KANSL1: variants seen among roughly 807,000 people sequenced by gnomAD.
KANSL1 encodes MLL1/MLL complex subunit KANSL1.
Under a neutral mutation model 103.6 loss-of-function variants are expected in KANSL1, and 22 were observed. That is an observed-to-expected ratio of 0.21 (90% confidence interval 0.15 to 0.30). The LOEUF is 0.30. Ranked by LOEUF, KANSL1 falls within the 10% of genes least tolerant of loss-of-function variation. KANSL1 has a pLI of 1.00. For synonymous variants in KANSL1, 600 were observed against 527.6 expected (o/e 1.14, Z -1.88); for missense variants, 1,337 against 1,399.8 (o/e 0.96, Z 0.72).
intron 1 of KANSL1, among the ~76,000 whole-genome samples, chr17:46,181,844 T>C (rs1195620888): frequency 6.6e-6 from 1 of 152,220 alleles, no homozygotes; most frequent in Non-Finnish European, 1.5e-5. Context: ...TCCGTATCTT[T>C]GCCTATGTTG....
intron 9 of KANSL1, 161 bp from the exon 10 acceptor site, chr17:46,038,847 G>T: frequency 1.8e-6 from 2 of 1,135,192 alleles, no homozygotes; most frequent in Non-Finnish European, 2.5e-6. Flanking sequence ...AGTAGGGGCA[G>T]GGCAGAGGTT....
chr17:46,158,945 C>T (rs2045583501), intron 2 of KANSL1, among the ~76,000 whole-genome samples: 1 of 152,258 alleles, frequency 6.6e-6, no homozygotes, highest in Admixed American at 6.5e-5. Context: ...CTACAACACC[C>T]ACCCCTTTCC....
At chr17:46,213,467 A>ATT (rs748428844) in intron 1 of KANSL1, among the ~76,000 whole-genome samples, 62 of 136,404 alleles carry the variant, frequency 4.5e-4, no homozygotes, top group East Asian at 4.0e-3. Context: ...CGCCCGGCTA[A>ATT]TTTTTTTTTT....
At position 46,031,536 on chromosome 17, in the gene KANSL1, G is replaced by C; in HGVS notation, c.3258C>G (p.Val1086=). Residue 1086 remains valine (V), a synonymous_variant, in exon 15 of 15, where the codon GTC becomes GTG. Transcript: ENST00000432791. ...TEAAPTSPPI[V]PLKSRHLVAA... ...CCACCAGATGCCGACTCTTGAGGGG[G>C]ACAATGGGAGGCGAGGTGGGCGCTG... The C allele has an allele frequency of 3.1e-6, 5 of 1,614,096 alleles. No individual in the cohort carries two copies. The highest frequency in any genetic ancestry group is 4.2e-6 in the Non-Finnish European group (5 of 1,180,010).
intron 1 of KANSL1, among the ~76,000 whole-genome samples, chr17:46,182,126 G>C (rs1282579842): frequency 2.0e-5 from 3 of 152,178 alleles, no homozygotes; most frequent in Non-Finnish European, 4.4e-5. Context: ...CGAGAGCTTG[G>C]TACATAGTAA....
At chr17:46,073,153 T>C (rs1435342266) in intron 4 of KANSL1, among the ~76,000 whole-genome samples, 1 of 152,224 alleles carries the variant, frequency 6.6e-6, no homozygotes, top group Non-Finnish European at 1.5e-5. Flanking sequence ...TATTCCTACT[T>C]ACACCAATGG....
chr17:46,176,582 C>T (rs2046529670), intron 1 of KANSL1, among the ~76,000 whole-genome samples: 1 of 151,970 alleles, frequency 6.6e-6, no homozygotes. Flanking sequence ...TCCCAGCTAC[C>T]TGGGAGGCTG....
chr17:46,181,316 T>TCCTC, intron 1 of KANSL1, among the ~76,000 whole-genome samples: 1 of 152,346 alleles, frequency 6.6e-6, no homozygotes, highest in Admixed American at 6.5e-5. Context: ...CTAGCCCAGG[T>TCCTC]CCTCATCAGC....
rs1366460408 is a variant in KANSL1, at chr17:46,031,638, G to A, written c.3156C>T (p.Asp1052=). ...LAHSPQAECE[D]QLDAQERAAR... is the part of the protein sequence containing the mutation. ...CTGCTCGCTCCTGTGCATCCAGCTG[G>A]TCCTCACACTCCGCCTGGGGACTGT... is the stretch of plus-strand genomic sequence containing the variant. Residue 1052 remains aspartate, a synonymous_variant, in exon 15 of 15, where the codon GAC becomes GAT. Transcript: ENST00000432791. 1 of 1,613,948 alleles carries A rather than the reference G, an allele frequency of 6.2e-7. No individual in the cohort carries two copies. Among genetic ancestry groups the A allele is most frequent in the South Asian group, 1.1e-5 (1 of 91,076 alleles).
chr17:46,190,516 G>C (rs2047264430), intron 1 of KANSL1, among the ~76,000 whole-genome samples: 1 of 152,232 alleles, frequency 6.6e-6, no homozygotes, highest in Non-Finnish European at 1.5e-5. Flanking sequence ...TAGATGGAAA[G>C]ACCGAAAATC....
chr17:46,047,823 A>C (rs1420729547), intron 7 of KANSL1, among the ~76,000 whole-genome samples: 2 of 151,220 alleles, frequency 1.3e-5, no homozygotes. Flanking sequence ...AAAAAACAAA[A>C]AAAAAACTTA....
chr17:46,051,874 C>T (rs1012134675), intron 6 of KANSL1, among the ~76,000 whole-genome samples: 1 of 152,164 alleles, frequency 6.6e-6, no homozygotes, highest in Non-Finnish European at 1.5e-5. Flanking sequence ...AACATTCCCC[C>T]GACATTCTAT....
intron 2 of KANSL1, among the ~76,000 whole-genome samples, chr17:46,095,243 G>A (rs1487049564): frequency 6.6e-6 from 1 of 152,116 alleles, no homozygotes; most frequent in African/African-American, 2.4e-5. Flanking sequence ...CATTTTTTTA[G>A]GATGGCGATT....
chr17:46,050,125 A>AT (rs1282125689), intron 7 of KANSL1: 1 of 158,904 alleles, frequency 6.3e-6, no homozygotes, highest in African/African-American at 2.4e-5. Flanking sequence ...CATGTTGGTC[A>AT]GGCTGGTCTA....
chr17:46,166,940 C>T (rs2046031051), intron 2 of KANSL1, among the ~76,000 whole-genome samples: 1 of 149,234 alleles, frequency 6.7e-6, no homozygotes, highest in Non-Finnish European at 1.5e-5. Flanking sequence ...TCAGTAATCA[C>T]AATGAAATGT....
chr17:46,100,628 T>C (rs2042271987), intron 2 of KANSL1, among the ~76,000 whole-genome samples: 1 of 152,196 alleles, frequency 6.6e-6, no homozygotes, highest in South Asian at 2.1e-4. Flanking sequence ...AGATCAACTC[T>C]TTTGTATTTA....
At chr17:46,075,200 T>C (rs1248528141) in intron 4 of KANSL1, among the ~76,000 whole-genome samples, 1 of 152,240 alleles carries the variant, frequency 6.6e-6, no homozygotes, top group Non-Finnish European at 1.5e-5. Context: ...AAATAAAGTA[T>C]GTCTATTACT....
intron 2 of KANSL1, among the ~76,000 whole-genome samples, chr17:46,132,509 T>C (rs55780786): frequency 0.14 from 21,659 of 151,988 alleles, 2,121 homozygotes; most frequent in Non-Finnish European, 0.22. Context: ...AAGCCCATAC[T>C]CTAGGGCTCC....
chr17:46,074,431 GAAC>G (rs1449689839), intron 4 of KANSL1, among the ~76,000 whole-genome samples: 1 of 152,090 alleles, frequency 6.6e-6, no homozygotes, highest in Non-Finnish European at 1.5e-5. Flanking sequence ...GTAGGAAGTA[GAAC>G]AACCACCCTT....
Sources: allele counts gnomAD v4.1 joint callset (sites outside exome capture counted in the v4.1 genomes callset), GRCh38; gene constraint gnomAD v4.1.1; transcripts MANE v1.5; gene names NCBI Gene and HGNC (gene_info 2026-07-23, HGNC 2026-07-21).